Variants in SDK1 observed in about 807,000 individuals in gnomAD.
SDK1 encodes the protein sidekick cell adhesion molecule 1, also known as protein sidekick-1.
Under a neutral mutation model 245.5 loss-of-function variants are expected in SDK1, and 157 were observed. The observed-to-expected ratio is 0.64, with a 90% CI of 0.56 to 0.73. SDK1 has a LOEUF of 0.73. Ranked by LOEUF, SDK1 falls within the 30% of genes least tolerant of loss-of-function variation. The pLI, the probability that SDK1 is intolerant of heterozygous loss-of-function variation, is 0.00. For synonymous variants in SDK1, 1,647 were observed against 1,278.5 expected (o/e 1.29, Z -6.15); for missense variants, 3,583 against 3,002.3 (o/e 1.19, Z -4.52).
intron 38 of SDK1, among the ~76,000 whole-genome samples, chr7:4,214,344 C>G (rs1014802428): frequency 1.3e-5 from 2 of 152,192 alleles, no homozygotes; most frequent in African/African-American, 4.8e-5. Context: ...CCTGTCTCTC[C>G]CCTGGATGGC....
intron 4 of SDK1, among the ~76,000 whole-genome samples, chr7:3,644,006 G>C (rs918361366): frequency 1.3e-5 from 2 of 151,128 alleles, no homozygotes; most frequent in African/African-American, 4.9e-5. Context: ...AGGTTCAAGC[G>C]ATTCTCCTGC....
intron 1 of SDK1, among the ~76,000 whole-genome samples, chr7:3,501,565 A>C (rs545305740): frequency 2.6e-5 from 4 of 152,250 alleles, no homozygotes; most frequent in South Asian, 4.1e-4. Flanking sequence ...TAGTCATACA[A>C]CAGAATTCTA....
intron 4 of SDK1, among the ~76,000 whole-genome samples, chr7:3,730,416 C>G (rs535497310): frequency 2.6e-5 from 4 of 152,268 alleles, no homozygotes; most frequent in Admixed American, 2.6e-4. Context: ...TCTGAATCTT[C>G]TGGGACCATC....
At chr7:3,957,235 A>G (rs1006548887) in intron 7 of SDK1, among the ~76,000 whole-genome samples, 1 of 152,196 alleles carries the variant, frequency 6.6e-6, no homozygotes, top group Non-Finnish European at 1.5e-5. Flanking sequence ...GTGGACCTAC[A>G]CACGTAATAA....
chr7:3,751,953 T>C (rs993337822), intron 4 of SDK1, among the ~76,000 whole-genome samples: 13 of 152,190 alleles, frequency 8.5e-5, no homozygotes, highest in African/African-American at 3.1e-4. Flanking sequence ...AGACGAAAGA[T>C]AGTGTTTCAT....
intron 22 of SDK1, among the ~76,000 whole-genome samples, chr7:4,105,987 G>A (rs1331396675): frequency 1.3e-5 from 2 of 152,122 alleles, no homozygotes; most frequent in East Asian, 3.9e-4. Flanking sequence ...TTTGGCACCT[G>A]TTCCAATCGA....
intron 4 of SDK1, among the ~76,000 whole-genome samples, chr7:3,748,134 A>G (rs1244556749): frequency 6.6e-6 from 1 of 152,204 alleles, no homozygotes; most frequent in Non-Finnish European, 1.5e-5. Context: ...ATAATAGTTA[A>G]TGCTATAATA....
intron 1 of SDK1, among the ~76,000 whole-genome samples, chr7:3,566,299 A>C (rs1201531671): frequency 2.1e-5 from 3 of 141,564 alleles, no homozygotes; most frequent in African/African-American, 8.0e-5. Flanking sequence ...ATCTTGGCTC[A>C]CTGCAAGCTC....
At chr7:3,381,421 G>GCCCC (rs1781484029) in intron 1 of SDK1, among the ~76,000 whole-genome samples, 1 of 152,102 alleles carries the variant, frequency 6.6e-6, no homozygotes, top group African/African-American at 2.4e-5. Flanking sequence ...GCATGGTGAA[G>GCCCC]GGGGGCAAAG....
At chr7:3,815,695 G>T (rs1208038320) in intron 4 of SDK1, among the ~76,000 whole-genome samples, 3 of 152,000 alleles carry the variant, frequency 2.0e-5, no homozygotes, top group Non-Finnish European at 4.4e-5. Flanking sequence ...AATGGTACCA[G>T]TTCCTCCAAG....
chr7:3,534,275 C>A (rs1361125330), intron 1 of SDK1, among the ~76,000 whole-genome samples: 1 of 152,048 alleles, frequency 6.6e-6, no homozygotes, highest in Non-Finnish European at 1.5e-5. Context: ...ACTACATTTT[C>A]TTTACCCATT....
intron 4 of SDK1, among the ~76,000 whole-genome samples, chr7:3,717,418 T>G (rs1029580322): frequency 1.8e-4 from 28 of 152,084 alleles, no homozygotes; most frequent in Admixed American, 6.5e-5. Context: ...AACACCATAA[T>G]TTGGCAGATG....
intron 4 of SDK1, among the ~76,000 whole-genome samples, chr7:3,800,366 C>CTTATTTATTTATTTAT (rs574004354): frequency 9.2e-4 from 137 of 148,306 alleles, no homozygotes; most frequent in Admixed American, 2.5e-3. Flanking sequence ...TACTTACTTA[C>CTTATTTATTTATTTAT]TTACTTATTT....
At chr7:4,206,745 G>T (rs769492429) in intron 36 of SDK1, among the ~76,000 whole-genome samples, 1 of 152,084 alleles carries the variant, frequency 6.6e-6, no homozygotes, top group Non-Finnish European at 1.5e-5. Flanking sequence ...CCATGAAAAC[G>T]CCCCCATCCT....
In SDK1 at chr7:4,110,205, G is replaced by C. The variant is rs1278968671; in HGVS notation, c.3325-458G>C. 5.3e-5 allele frequency among the ~76,000 whole-genome samples: 8 copies of C among 152,172 alleles called. 1 individual carries two copies. The East Asian group carries it at 1.4e-3, about 26-fold the overall frequency. On this transcript the variant is annotated intron_variant, in intron 22 of 44. Transcript: ENST00000404826. ...TTTGGTGTGTGTTTGGGGCAGAAAG[G>C]GTTGGGGTCGAAGCTGGACCCCCAG...
chr7:3,782,394 A>C (rs898222319), intron 4 of SDK1, among the ~76,000 whole-genome samples: 2 of 152,224 alleles, frequency 1.3e-5, no homozygotes, highest in African/African-American at 2.4e-5. Flanking sequence ...CCTCACCTCC[A>C]AGAACGTGGA....
chr7:3,743,772 C>T (rs1053023519), intron 4 of SDK1, among the ~76,000 whole-genome samples: 1 of 152,020 alleles, frequency 6.6e-6, no homozygotes, highest in African/African-American at 2.4e-5. Flanking sequence ...AAGAGTTGAA[C>T]CGAGTGGCAT....
intron 1 of SDK1, among the ~76,000 whole-genome samples, chr7:3,392,980 T>TC (rs1781798837): frequency 7.5e-6 from 1 of 133,676 alleles, no homozygotes; most frequent in Non-Finnish European, 1.6e-5. Flanking sequence ...TTTTTTTTTT[T>TC]CTTTTTTGAG....
intron 1 of SDK1, among the ~76,000 whole-genome samples, chr7:3,474,163 C>T (rs1290290125): frequency 8.0e-6 from 1 of 125,246 alleles, no homozygotes; most frequent in African/African-American, 3.1e-5. Flanking sequence ...GGCGCGGTGG[C>T]TCAATCTCGG....
Sources: allele counts gnomAD v4.1 joint callset (sites outside exome capture counted in the v4.1 genomes callset), GRCh38; gene constraint gnomAD v4.1.1; transcripts MANE v1.5; gene names NCBI Gene and HGNC (gene_info 2026-07-23, HGNC 2026-07-21).